YIPF4: variants seen among roughly 807,000 people sequenced by gnomAD.
YIPF4 encodes the protein protein YIPF4.
YIPF4 carries 18 observed loss-of-function variants against 29.4 expected under a neutral mutation model. That is an observed-to-expected ratio of 0.61 (90% CI 0.42 to 0.91). The LOEUF (loss-of-function observed/expected upper bound fraction) is 0.91, where lower values mean the gene tolerates loss of function less well. Ranked by LOEUF, YIPF4 falls within the 40% of genes least tolerant of loss-of-function variation. The probability of loss-of-function intolerance (pLI) is 0.00; values close to 1 mark genes in which losing one functional copy is unlikely to be tolerated. For missense variants in YIPF4, 279 were observed against 282.7 expected (o/e 0.99, Z 0.09); for synonymous variants, 115 against 104.7 (o/e 1.10, Z -0.60).
At chr2:32,303,728 A>T (rs1444534042) in intron 5 of YIPF4, among the ~76,000 whole-genome samples, 2 of 152,226 alleles carry the variant, frequency 1.3e-5, no homozygotes, top group Non-Finnish European at 2.9e-5. Context: ...CTTTGTGTTT[A>T]AATACTTCAG....
chr2:32,290,073 A>G (rs1558476189), intron 1 of YIPF4, among the ~76,000 whole-genome samples: 2 of 152,222 alleles, frequency 1.3e-5, no homozygotes, highest in African/African-American at 2.4e-5. Context: ...GTATATATAC[A>G]TATGTAATGC....
intron 1 of YIPF4, among the ~76,000 whole-genome samples, chr2:32,283,669 A>C (rs1188024628): frequency 6.6e-6 from 1 of 152,100 alleles, no homozygotes; most frequent in African/African-American, 2.4e-5. Flanking sequence ...TATAAATATC[A>C]CAAAAGAATT....
chr2:32,282,479 C>A (rs568759381), intron 1 of YIPF4, among the ~76,000 whole-genome samples: 1 of 152,274 alleles, frequency 6.6e-6, no homozygotes, highest in African/African-American at 2.4e-5. Flanking sequence ...GTCGCCCAGG[C>A]TGGAGTGCAA....
intron 1 of YIPF4, 47 bp downstream of exon 1, chr2:32,278,281 C>A (rs1049693762): frequency 4.0e-6 from 6 of 1,512,212 alleles, no homozygotes; most frequent in Admixed American, 2.1e-5. Flanking sequence ...GAAGCCAGGG[C>A]CCGACGCCGT....
At chr2:32,303,515 A>G (rs1573543476) in intron 5 of YIPF4, among the ~76,000 whole-genome samples, 1 of 152,040 alleles carries the variant, frequency 6.6e-6, no homozygotes, top group East Asian at 1.9e-4. Flanking sequence ...AGACTCAACC[A>G]TTTCTCCAAA....
intron 5 of YIPF4, among the ~76,000 whole-genome samples, chr2:32,301,925 G>T (rs1472578106): frequency 6.6e-6 from 1 of 152,078 alleles, no homozygotes; most frequent in Admixed American, 6.6e-5. Context: ...GACTGGTCTT[G>T]AACTCCTGAC....
Position 32,308,096 on chromosome 2 carries a change from CTA to C in YIPF4, c.*2471_*2472del, listed in dbSNP as rs1326804398. 1 of 151,726 alleles carries C rather than the reference CTA, an allele frequency of 6.6e-6. No homozygotes were observed. The highest frequency in any genetic ancestry group is 1.5e-5 in the Non-Finnish European group (1 of 67,974). 9.4% of individuals were successfully genotyped at this position (151,726 alleles called of 1,614,324 possible). A position where few individuals can be genotyped will look rare whatever the true frequency, so the allele number is the denominator to read the frequency against. ...AATTTTTTAAATAATGATTTCCAAT[CTA>C]ATTATTAATTAGAATTTTGTTGTTG... is the stretch of plus-strand genomic sequence containing the variant. On this transcript the variant is annotated 3_prime_UTR_variant, in exon 6 of 6. Coordinates refer to ENST00000238831, the MANE Select transcript of YIPF4 (RefSeq NM_032312.4).
Position 32,290,632 on chromosome 2 carries a change from C to A in YIPF4, c.229C>A (p.Leu77Ile). Residue 77 changes from leucine (L) to isoleucine (I), a missense_variant, in exon 2 of 6, where the codon CTC (leucine) becomes ATC (isoleucine). By Grantham distance (5) the Leu-to-Ile change is conservative. Coordinates refer to ENST00000238831, the MANE Select transcript of YIPF4 (RefSeq NM_032312.4). ...TGATGATCCTGAAGATAACAAGCCACTCTTGTATGTAAAAATAATAATATA... is the reference window on the plus strand; with the variant it reads ...TGATGATCCTGAAGATAACAAGCCAATCTTGTATGTAAAAATAATAATATA... Reference protein sequence around the residue: ...EDDDPEDNKPLLEELDIDLKD... With the variant: ...EDDDPEDNKPILEELDIDLKD... 6.7e-7 allele frequency: 1 copy of A among 1,491,056 alleles called. No individual in the cohort carries two copies. The highest frequency in any genetic ancestry group is 8.9e-7 in the Non-Finnish European group (1 of 1,123,514). The allele number at this position is 1,491,056 out of a possible 1,614,324, so 92.4% of individuals were successfully genotyped here. A position where few individuals can be genotyped will look rare whatever the true frequency, so the allele number is the denominator to read the frequency against.
chr2:32,282,214 T>A (rs1364615867), intron 1 of YIPF4, among the ~76,000 whole-genome samples: 1 of 152,176 alleles, frequency 6.6e-6, no homozygotes, highest in African/African-American at 2.4e-5. Flanking sequence ...GATGATTGCT[T>A]GAGCCCAGGA....
chr2:32,294,118 G>A (rs1343509254), intron 3 of YIPF4, among the ~76,000 whole-genome samples: 5 of 149,376 alleles, frequency 3.3e-5, no homozygotes, highest in South Asian at 2.1e-4. Context: ...CAGGCGGGAC[G>A]CTGACCCCCC....
chr2:32,303,559 C>G (rs901448599), intron 5 of YIPF4, among the ~76,000 whole-genome samples: 37 of 152,110 alleles, frequency 2.4e-4, no homozygotes, highest in African/African-American at 8.9e-4. Flanking sequence ...GTGGCATGCA[C>G]CTGTTAGTCC....
intron 4 of YIPF4, among the ~76,000 whole-genome samples, chr2:32,299,056 T>G (rs954908893): frequency 1.1e-4 from 17 of 151,920 alleles, no homozygotes; most frequent in Admixed American, 9.8e-4. Flanking sequence ...TTTTGTATTT[T>G]TAGTAGAGAT....
chr2:32,293,058 A>C (rs1387220454), intron 3 of YIPF4, among the ~76,000 whole-genome samples: 1 of 128,470 alleles, frequency 7.8e-6, no homozygotes, highest in African/African-American at 2.8e-5. Context: ...TTTTATTTTT[A>C]TTTTTTTATT....
At chr2:32,278,260 A>T in intron 1 of YIPF4, 26 bp downstream of exon 1, 1 of 1,536,248 alleles carries the variant, frequency 6.5e-7, no homozygotes, top group Non-Finnish European at 8.8e-7. Context: ...TGGAAGGGCT[A>T]TCACCCGGAG....
rs903515027 is a variant in YIPF4 at position 32,314,298 on chromosome 2, A to G, written c.*8672A>G. The stretch of plus-strand genomic sequence containing the variant: ...CAAAGAATTTGTACTGTATTACTTC[A>G]TTTATATGAAGTTCAAACACAGGCA... On this transcript the variant is annotated 3_prime_UTR_variant, in exon 6 of 6. Transcript: ENST00000238831. 1.3e-5 allele frequency: 2 copies of G among 152,240 alleles called. No individual in the cohort carries two copies. The highest frequency in any genetic ancestry group is 2.4e-5 in the African/African-American group (1 of 41,472). 9.4% of individuals were successfully genotyped at this position (152,240 alleles called of 1,614,324 possible). A position where few individuals can be genotyped will look rare whatever the true frequency, so the allele number is the denominator to read the frequency against.
intron 3 of YIPF4, among the ~76,000 whole-genome samples, chr2:32,295,822 C>G (rs915129596): frequency 1.6e-4 from 24 of 152,228 alleles, no homozygotes; most frequent in African/African-American, 5.5e-4. Context: ...AGGCTGGTCT[C>G]AAACTCCTGA....
At chr2:32,285,252 T>C (rs1052578769) in intron 1 of YIPF4, among the ~76,000 whole-genome samples, 1 of 152,180 alleles carries the variant, frequency 6.6e-6, no homozygotes, top group African/African-American at 2.4e-5. Flanking sequence ...CTTACAATGC[T>C]GGATAGATTA....
chr2:32,292,602 CCTGTAATCCCA>C (rs1479212255), intron 3 of YIPF4, among the ~76,000 whole-genome samples: 4 of 152,026 alleles, frequency 2.6e-5, no homozygotes, highest in Non-Finnish European at 5.9e-5. Flanking sequence ...GTGGCTCACG[CCTGTAATCCCA>C]GCACTTTGGG....
At chr2:32,286,577 C>T (rs976797155) in intron 1 of YIPF4, among the ~76,000 whole-genome samples, 3 of 151,718 alleles carry the variant, frequency 2.0e-5, no homozygotes, top group East Asian at 1.9e-4. Context: ...GATGGAGTTG[C>T]GCTCTGTTGG....
Sources: gnomAD v4.1 joint callset for allele counts (sites outside exome capture counted in the v4.1 genomes callset) on GRCh38, gnomAD v4.1.1 for gene constraint, MANE v1.5 for transcripts, NCBI Gene and HGNC (gene_info 2026-07-23, HGNC 2026-07-21) for gene names.